Variants in ERCC5 observed in about 807,000 individuals in gnomAD.
ERCC5 encodes ERCC excision repair 5, endonuclease.
ERCC5 carries 68 observed loss-of-function variants against 105.6 expected under a neutral mutation model. The observed-to-expected ratio is 0.64, with a 90% CI of 0.53 to 0.79. The LOEUF (loss-of-function observed/expected upper bound fraction) is 0.79, where lower values mean the gene tolerates loss of function less well. Ranked by LOEUF, ERCC5 falls within the 30% of genes least tolerant of loss-of-function variation. The pLI, the probability that ERCC5 is intolerant of heterozygous loss-of-function variation, is 0.00. For synonymous variants in ERCC5, 546 were observed against 526.2 expected, an observed-to-expected ratio of 1.04 and a Z score of -0.51; for missense variants, 1,373 against 1,426.7, an observed-to-expected ratio of 0.96 and a Z score of 0.61.
chr13:102,873,365 C>G, intron 14 of ERCC5, 22 bp downstream of exon 14: 1 of 1,613,592 alleles, frequency 6.2e-7, no homozygotes, highest in Non-Finnish European at 8.5e-7. Context: ...GGACCCTTCT[C>G]CTAAGTTCAG....
At chr13:102,868,360 C>T in intron 12 of ERCC5, 103 bp downstream of exon 12, 1 of 1,452,524 alleles carries the variant, frequency 6.9e-7, no homozygotes. Flanking sequence ...AACATGTGAA[C>T]AATGGTTCAC....
chr13:102,861,068 A>C (rs1882601288), intron 6 of ERCC5, among the ~76,000 whole-genome samples: 1 of 151,174 alleles, frequency 6.6e-6, no homozygotes, highest in African/African-American at 2.4e-5. Context: ...GGCTCACTGC[A>C]ACCTCTGCCT....
At position 102,854,349 on chromosome 13, in the gene ERCC5, C is replaced by A; in HGVS notation, c.442C>A (p.Pro148Thr). 1 of 1,614,102 alleles carries A rather than the reference C, an allele frequency of 6.2e-7. No individual in the cohort carries two copies. Among genetic ancestry groups the A allele is most frequent in the Non-Finnish European group, 8.5e-7 (1 of 1,180,014 alleles). ...RRENDLYVLP[P>T]LQEEEKHSSE... is the part of the protein sequence containing the mutation. Reference sequence around the variant, plus strand: ...AGAAAACGACCTCTATGTTTTGCCTCCTTTACAAGAGGAAGAAAAACACAG... The same window carrying A: ...AGAAAACGACCTCTATGTTTTGCCTACTTTACAAGAGGAAGAAAAACACAG... Residue 148 changes from proline (P) to threonine (T), a missense_variant, in exon 4 of 15, where the codon CCT (proline) becomes ACT (threonine). Physicochemically the swap from Pro to Thr is conservative, Grantham distance 38 (BLOSUM62 -1). Around this residue, in one of 3 missense-constraint regions of ERCC5, gnomAD observed 1,004 missense variants for 1,059.7 expected, o/e 0.95. Coordinates refer to ENST00000652225, the MANE Select transcript of ERCC5 (RefSeq NM_000123.4).
At chr13:102,871,706 C>T (rs1883039468) in intron 12 of ERCC5, among the ~76,000 whole-genome samples, 1 of 151,972 alleles carries the variant, frequency 6.6e-6, no homozygotes, top group South Asian at 2.1e-4. Flanking sequence ...ATTTTCTTGG[C>T]ATATTTACAT....
intron 12 of ERCC5, among the ~76,000 whole-genome samples, chr13:102,871,430 G>A (rs1883029913): frequency 1.3e-5 from 2 of 152,164 alleles, no homozygotes; most frequent in African/African-American, 4.8e-5. Context: ...AGAAGAAAAT[G>A]AATGGCTGTG....
intron 1 of ERCC5, chr13:102,849,352 C>T (rs771925751): frequency 7.7e-6 from 4 of 518,882 alleles, no homozygotes; most frequent in African/African-American, 1.9e-5. Flanking sequence ...TCCCAGTGGC[C>T]GTATCACCTC....
intron 14 of ERCC5, 101 bp downstream of exon 14, chr13:102,873,444 A>G: frequency 6.1e-6 from 8 of 1,304,124 alleles, no homozygotes; most frequent in Non-Finnish European, 8.8e-6. Context: ...CATAGAGCAG[A>G]CATTTTGAAA....
At chr13:102,857,406 G>A (rs1471050168) in intron 5 of ERCC5, among the ~76,000 whole-genome samples, 3 of 152,156 alleles carry the variant, frequency 2.0e-5, no homozygotes, top group African/African-American at 7.2e-5. Flanking sequence ...TTCCTGATGG[G>A]GGTGATGGGA....
chr13:102,856,104 G>A lies in ERCC5; in HGVS notation c.520G>A (p.Ala174Thr), dbSNP rs995431885. The A allele has an allele frequency of 6.2e-7, 1 of 1,613,610 alleles. No homozygotes were observed. The highest frequency in any genetic ancestry group is 8.5e-7 in the Non-Finnish European group (1 of 1,179,616). ...GCAAGAAAGAATGAATCAAAAACAA[G>A]CATTACAGGTATTTAGATCATTTTT... Reference protein sequence around the residue: ...EWQERMNQKQALQEEFFHNPQ... With the variant: ...EWQERMNQKQTLQEEFFHNPQ... Residue 174 changes from alanine to threonine, a missense_variant, in exon 5 of 15, where the codon GCA (alanine) becomes ACA (threonine). Transcript: ENST00000652225.
At chr13:102,858,476 A>G in intron 6 of ERCC5, 58 bp downstream of exon 6, 2 of 1,612,338 alleles carry the variant, frequency 1.2e-6, no homozygotes, top group African/African-American at 1.3e-5. Context: ...AAAACTTTTT[A>G]TTAGAAAGAA....
chr13:102,849,209 A>G (rs754491258), intron 1 of ERCC5: 4 of 518,864 alleles, frequency 7.7e-6, no homozygotes, highest in Non-Finnish European at 1.5e-5. Context: ...CTTTTATCCG[A>G]TCTCTTCTCG....
chr13:102,852,298 G>A lies in ERCC5; in HGVS notation c.264+5G>A, dbSNP rs916673672. On this transcript the variant is annotated splice_donor_5th_base_variant and intron_variant, in intron 2 of 14. Coordinates refer to ENST00000652225, the MANE Select transcript of ERCC5 (RefSeq NM_000123.4). ...CTATTGAAGAAACAGACTTTGGTAAGTGTCGTATAGTTTTTAGTAAGTGTC... is the reference window on the plus strand; with the variant it reads ...CTATTGAAGAAACAGACTTTGGTAAATGTCGTATAGTTTTTAGTAAGTGTC... 1 of 1,613,554 alleles carries A rather than the reference G, an allele frequency of 6.2e-7. No homozygotes were observed. The highest frequency in any genetic ancestry group is 8.5e-7 in the Non-Finnish European group (1 of 1,179,938).
intron 3 of ERCC5, 65 bp from the exon 4 acceptor site, chr13:102,854,223 A>G: frequency 6.5e-7 from 1 of 1,538,078 alleles, no homozygotes; most frequent in South Asian, 1.1e-5. Flanking sequence ...CAGCCAGGTC[A>G]GGTCCCTGTT....
chr13:102,847,005 T>A (rs1349362603), intron 1 of ERCC5, among the ~76,000 whole-genome samples: 3 of 152,334 alleles, frequency 2.0e-5, no homozygotes, highest in Middle Eastern at 3.4e-3. Flanking sequence ...GAGAGAAGTT[T>A]AGTGCGATTA....
chr13:102,866,837 A>G lies in ERCC5; in HGVS notation c.2525A>G (p.Asn842Ser). ...TATTATCAATATGTGGACTTTCACAATCAATTGGGTAAGACTTCAGAGTCT... is the reference window on the plus strand; with the variant it reads ...TATTATCAATATGTGGACTTTCACAGTCAATTGGGTAAGACTTCAGAGTCT... ...VEYYQYVDFH[N>S]QLGLDRNKLI... The change falls in exon 11 of 15, where the codon AAT becomes AGT. Residue 842 changes from asparagine (N) to serine (S), a missense_variant. By Grantham distance (46) the Asn-to-Ser change is conservative (BLOSUM62 1). This residue lies in a region of ERCC5 where 1,004 missense variants were observed against 1,059.7 expected (regional missense o/e 0.95). Transcript: ENST00000652225. The G allele has an allele frequency of 6.2e-7, 1 of 1,609,648 alleles. No individual in the cohort carries two copies. The highest frequency in any genetic ancestry group is 8.5e-7 in the Non-Finnish European group (1 of 1,177,240).
intron 1 of ERCC5, among the ~76,000 whole-genome samples, chr13:102,851,746 A>G (rs2140516850): frequency 6.6e-6 from 1 of 152,354 alleles, no homozygotes; most frequent in African/African-American, 2.4e-5. Context: ...ATAGACTGCA[A>G]AGTTTTAAAA....
intron 1 of ERCC5, among the ~76,000 whole-genome samples, chr13:102,847,424 CG>C (rs1008886295): frequency 4.7e-5 from 7 of 150,194 alleles, no homozygotes; most frequent in African/African-American, 1.7e-4. Flanking sequence ...TAAATGATTG[CG>C]GGGGGATTGG....
chr13:102,869,480 A>G (rs952890861), intron 12 of ERCC5, among the ~76,000 whole-genome samples: 1 of 152,162 alleles, frequency 6.6e-6, no homozygotes, highest in African/African-American at 2.4e-5. Context: ...TATACATTGC[A>G]TATATATGTA....
At position 102,865,755 on chromosome 13, in the gene ERCC5, C is replaced by T. The variant is rs752012589; in HGVS notation, c.2043C>T (p.Gly681=). 3.7e-6 allele frequency: 6 copies of T among 1,613,804 alleles called. No homozygotes were observed. Among genetic ancestry groups the T allele is most frequent in the East Asian group, 4.5e-5 (2 of 44,890 alleles). Residue 681 remains glycine (G), a synonymous_variant, in exon 9 of 15, where the codon GGC becomes GGT. Coordinates refer to ENST00000652225, the MANE Select transcript of ERCC5 (RefSeq NM_000123.4). This position sits in a 1 kb window ranked among gnomAD's most constrained non-coding sequence, Gnocchi z 4.0. Reference sequence around the variant, plus strand: ...CTTCCAAACCTCCCTCAGAACAAGGCGAAGAGGAACTGGTAGGAACTAGGG... The same window carrying T: ...CTTCCAAACCTCCCTCAGAACAAGGTGAAGAGGAACTGGTAGGAACTAGGG... The part of the protein sequence containing the change: ...PETSKPPSEQ[G]EEELVGTREG...
Sources: gnomAD v4.1 joint callset for allele counts (sites outside exome capture counted in the v4.1 genomes callset) on GRCh38, gnomAD v4.1.1 for gene constraint, gnomAD v4.1.1 regional missense constraint, Gnocchi (gnomAD v3.1) non-coding constraint, MANE v1.5 for transcripts, NCBI Gene and HGNC (gene_info 2026-07-23, HGNC 2026-07-21) for gene names.